SNX18: variants seen among roughly 807,000 people sequenced by gnomAD.
The protein encoded by SNX18 is sorting nexin-18.
A neutral mutation model predicts 48.7 loss-of-function variants in SNX18; 35 were observed. The observed-to-expected ratio is 0.72, with a 90% confidence interval of 0.55 to 0.95. SNX18 has a LOEUF of 0.95. SNX18 is among the 40% of genes least tolerant of loss of function. The probability of loss-of-function intolerance (pLI) is 0.00; values close to 1 mark genes in which losing one functional copy is unlikely to be tolerated. For synonymous variants in SNX18, 492 were observed against 384.7 expected, an observed-to-expected ratio of 1.28 and a Z score of -3.26; for missense variants, 824 against 871.0, an observed-to-expected ratio of 0.95 and a Z score of 0.68.
At chr5:54,620,061 T>C in the SNX18 span, among the ~76,000 whole-genome samples, 1 of 152,120 alleles carries the variant, frequency 6.6e-6, no homozygotes, top group Non-Finnish European at 1.5e-5. Context: ...GAGTTTGGGG[T>C]CCTGGGATTC....
chr5:54,602,642 T>A, the SNX18 span, among the ~76,000 whole-genome samples: 1 of 151,992 alleles, frequency 6.6e-6, no homozygotes, highest in Admixed American at 6.6e-5. Context: ...ATTGAAAACT[T>A]TAGAACAGGA....
chr5:54,563,847 A>G, the SNX18 span, among the ~76,000 whole-genome samples: 2 of 151,960 alleles, frequency 1.3e-5, no homozygotes, highest in African/African-American at 4.8e-5. Context: ...GAACCCTAAT[A>G]TAACATATAT....
intron 1 of SNX18, among the ~76,000 whole-genome samples, chr5:54,528,165 C>CAG (rs10590463): frequency 1.1e-4 from 16 of 146,432 alleles, no homozygotes; most frequent in Non-Finnish European, 2.1e-4. Flanking sequence ...CACACACACA[C>CAG]ATTTTCCTCA....
chr5:54,630,114 A>C, the SNX18 span, among the ~76,000 whole-genome samples: 1 of 152,210 alleles, frequency 6.6e-6, no homozygotes, highest in Admixed American at 6.5e-5. Context: ...AGCTTCTGAT[A>C]ACTGCATCAG....
the SNX18 span, chr5:54,645,523 C>G: frequency 6.6e-6 from 1 of 152,210 alleles, no homozygotes; most frequent in Admixed American, 6.5e-5. Flanking sequence ...TGCTTCTTCC[C>G]CCAGTTTCAG....
At chr5:54,639,288 T>A in the SNX18 span, among the ~76,000 whole-genome samples, 3 of 151,972 alleles carry the variant, frequency 2.0e-5, no homozygotes, top group Admixed American at 6.6e-5. Flanking sequence ...TATCATGTTT[T>A]AAAAAAAAAT....
At chr5:54,575,800 C>T in the SNX18 span, among the ~76,000 whole-genome samples, 1 of 152,298 alleles carries the variant, frequency 6.6e-6, no homozygotes, top group South Asian at 2.1e-4. Context: ...GATAAGCTTA[C>T]TAAAGAAACC....
chr5:54,590,626 G>C, the SNX18 span, among the ~76,000 whole-genome samples: 5 of 151,986 alleles, frequency 3.3e-5, no homozygotes, highest in Admixed American at 2.6e-4. Context: ...CCAATCTTTG[G>C]TCTTTATTCC....
the SNX18 span, among the ~76,000 whole-genome samples, chr5:54,625,512 C>T: frequency 6.6e-6 from 1 of 152,146 alleles, no homozygotes; most frequent in Non-Finnish European, 1.5e-5. Flanking sequence ...ACTGGCTTCC[C>T]TCAGAGTGAA....
the SNX18 span, among the ~76,000 whole-genome samples, chr5:54,575,986 T>A: frequency 6.6e-6 from 1 of 152,228 alleles, no homozygotes; most frequent in South Asian, 2.1e-4. Flanking sequence ...GTCTCTACAC[T>A]CTTTTGAAGA....
At chr5:54,630,906 G>A in the SNX18 span, among the ~76,000 whole-genome samples, 1 of 151,544 alleles carries the variant, frequency 6.6e-6, no homozygotes, top group Non-Finnish European at 1.5e-5. Context: ...CAGAGCTCAG[G>A]CTGCAAATCT....
At chr5:54,627,885 ATTTGGC>A in the SNX18 span, among the ~76,000 whole-genome samples, 1 of 152,206 alleles carries the variant, frequency 6.6e-6, no homozygotes, top group African/African-American at 2.4e-5. Flanking sequence ...CCCATTGGCT[ATTTGGC>A]AAAGACTTTT....
chr5:54,535,100 GT>G (rs1404965435), intron 1 of SNX18, among the ~76,000 whole-genome samples: 1 of 152,020 alleles, frequency 6.6e-6, no homozygotes, highest in Non-Finnish European at 1.5e-5. Context: ...TGTTTTCATT[GT>G]TTTATATTCA....
At position 54,519,507 on chromosome 5, in the gene SNX18, A is replaced by G. The variant is rs1761967961; in HGVS notation, c.1555A>G (p.Met519Val). Residue 519 changes from methionine (M) to valine (V), a missense_variant, in exon 1 of 2, where the codon ATG (methionine) becomes GTG (valine). Physicochemically the swap from Met to Val is conservative, Grantham distance 21. Coordinates refer to ENST00000381410, the MANE Select transcript of SNX18 (RefSeq NM_001102575.2). ...EQPRQDLDPV[M>V]DLLALYQGHL... ...GCCCAGGCAGGACCTGGATCCCGTC[A>G]TGGACCTATTAGCGCTGTATCAGGG... The G allele has an allele frequency of 1.9e-6, 3 of 1,614,216 alleles. No homozygotes were observed. The highest frequency in any genetic ancestry group is 2.5e-6 in the Non-Finnish European group (3 of 1,180,028).
At chr5:54,575,626 A>G in the SNX18 span, among the ~76,000 whole-genome samples, 1 of 152,010 alleles carries the variant, frequency 6.6e-6, no homozygotes, top group Non-Finnish European at 1.5e-5. Context: ...GGCCTCCCAA[A>G]GTGTTGGGAT....
At chr5:54,622,633 A>G in the SNX18 span, among the ~76,000 whole-genome samples, 1 of 148,256 alleles carries the variant, frequency 6.7e-6, no homozygotes, top group African/African-American at 2.4e-5. Flanking sequence ...TATATATATT[A>G]AATAAATATA....
intron 1 of SNX18, among the ~76,000 whole-genome samples, chr5:54,537,577 T>C (rs1762381468): frequency 6.6e-6 from 1 of 152,222 alleles, no homozygotes; most frequent in African/African-American, 2.4e-5. Flanking sequence ...AGTGATGTTT[T>C]TGACCTTAAA....
chr5:54,578,513 T>A, the SNX18 span, among the ~76,000 whole-genome samples: 1 of 152,172 alleles, frequency 6.6e-6, no homozygotes, highest in Non-Finnish European at 1.5e-5. Context: ...TACTTGGGAA[T>A]AGGCAGGCAC....
chr5:54,582,000 C>T, the SNX18 span, among the ~76,000 whole-genome samples: 1 of 152,154 alleles, frequency 6.6e-6, no homozygotes, highest in Non-Finnish European at 1.5e-5. Context: ...AGAGTTTCAT[C>T]TGGAATATGA....
Sources: allele counts gnomAD v4.1 joint callset (sites outside exome capture counted in the v4.1 genomes callset), GRCh38; gene constraint gnomAD v4.1.1; transcripts MANE v1.5; gene names NCBI Gene and HGNC (gene_info 2026-07-23, HGNC 2026-07-21).